The following ZNF431 variants were observed in gnomAD, a reference collection of about 807,000 sequenced individuals.
The protein encoded by ZNF431 is zinc finger protein 431.
In ZNF431, 34 loss-of-function variants were observed where a neutral mutation model predicts 57.0. The observed-to-expected ratio is 0.60, with a 90% CI of 0.45 to 0.79. The LOEUF is 0.79. Among genes scored for constraint, ZNF431 ranks in the 30% least tolerant of loss-of-function variants. The pLI, the probability that ZNF431 is intolerant of heterozygous loss-of-function variation, is 0.00. For missense variants in ZNF431, 607 were observed against 667.1 expected, an observed-to-expected ratio of 0.91 and a Z score of 0.99; for synonymous variants, 207 against 220.3, an observed-to-expected ratio of 0.94 and a Z score of 0.54.
At position 21,192,962 on chromosome 19, in the gene ZNF431, T is replaced by C. The variant is rs1464473612; in HGVS notation, c.*8928T>C. On this transcript the variant is annotated 3_prime_UTR_variant, in exon 5 of 5. Transcript: ENST00000311048. ...CTCTATGCCTGCAAAATAGAAAATT[T>C]GGAGAAAATAAATAAACTCCTGGAA... 6.6e-6 allele frequency: 1 copy of C among 152,142 alleles called. No individual in the cohort carries two copies. Among genetic ancestry groups the C allele is most frequent in the Non-Finnish European group, 1.5e-5 (1 of 68,030 alleles). 9.4% of individuals were successfully genotyped at this position (152,142 alleles called of 1,614,324 possible).
At chr19:21,169,261 T>G (rs1224928482) in intron 4 of ZNF431, among the ~76,000 whole-genome samples, 1 of 152,146 alleles carries the variant, frequency 6.6e-6, no homozygotes, top group Admixed American at 6.5e-5. Flanking sequence ...ATATATAAGA[T>G]CATATGATCC....
chr19:21,184,651 ACTT>A lies in ZNF431; in HGVS notation c.*618_*620del, dbSNP rs916112672. 8 of 152,852 alleles carry A rather than the reference ACTT, an allele frequency of 5.2e-5. No individual in the cohort carries two copies. The highest frequency in any genetic ancestry group is 3.9e-4 in the Admixed American group (6 of 15,276). 9.5% of individuals were successfully genotyped at this position (152,852 alleles called of 1,614,324 possible). On this transcript the variant is annotated 3_prime_UTR_variant, in exon 5 of 5. Transcript: ENST00000311048. ...CTACATGTGTGAACAATATGGCAAA[ACTT>A]AATGCTCACACTTTATTGCTAGGAA...
In ZNF431 at chr19:21,182,782, G is replaced by C. The variant is rs1463986557; in HGVS notation, c.479G>C (p.Gly160Ala). The C allele has an allele frequency of 8.1e-6, 13 of 1,613,652 alleles. No individual in the cohort carries two copies. Among genetic ancestry groups the C allele is most frequent in the Non-Finnish European group, 1.1e-5 (13 of 1,179,836 alleles). The change falls in exon 5 of 5, where the codon GGT becomes GCT. Residue 160 changes from glycine (G) to alanine (A), a missense_variant. Transcript: ENST00000311048. Reference protein sequence around the residue: ...SVDEYKVHKEGYNELNQCLTT... With the variant: ...SVDEYKVHKEAYNELNQCLTT... ...GATGAGTATAAGGTGCACAAAGAAG[G>C]TTATAATGAGCTAAACCAGTGTTTG...
At chr19:21,178,764 A>C (rs1971127297) in intron 4 of ZNF431, among the ~76,000 whole-genome samples, 1 of 150,342 alleles carries the variant, frequency 6.7e-6, no homozygotes, top group Non-Finnish European at 1.5e-5. Context: ...TTTTGCATTG[A>C]TGTTTATCAG....
intron 2 of ZNF431, among the ~76,000 whole-genome samples, chr19:21,164,498 T>C (rs1184380284): frequency 6.6e-6 from 1 of 152,166 alleles, no homozygotes; most frequent in African/African-American, 2.4e-5. Context: ...GACTTTTTGG[T>C]CTTGGTCCTT....
At chr19:21,149,594 A>G (rs1421772125) in intron 2 of ZNF431, 5 of 219,610 alleles carry the variant, frequency 2.3e-5, no homozygotes, top group Non-Finnish European at 4.5e-5. Context: ...TTTTTGAAGG[A>G]AAGTTTGTAT....
Position 21,188,101 on chromosome 19 carries a change from A to G in ZNF431, c.*4067A>G, listed in dbSNP as rs12609797. On this transcript the variant is annotated 3_prime_UTR_variant, in exon 5 of 5. Coordinates refer to ENST00000311048, the MANE Select transcript of ZNF431 (RefSeq NM_133473.4). The stretch of plus-strand genomic sequence containing the variant: ...TGGTGAAACCCTGTGTCTACTAAAA[A>G]TACAAATTTAGCCACGCGTGGTGAC... 15 of 152,312 alleles carry G rather than the reference A, an allele frequency of 9.8e-5. No homozygotes were observed. In the East Asian group the frequency reaches 2.9e-3, roughly 30 times the overall value. The allele number at this position is 152,312 out of a possible 1,614,324, so 9.4% of individuals were successfully genotyped here. A position where few individuals can be genotyped will look rare whatever the true frequency, so the allele number is the denominator to read the frequency against.
At chr19:21,169,779 G>A in intron 4 of ZNF431, 1 of 398,524 alleles carries the variant, frequency 2.5e-6, no homozygotes, top group East Asian at 3.6e-5. Context: ...ATTTCTTCAG[G>A]TCACTGTGTG....
chr19:21,185,113 A>G lies in ZNF431; in HGVS notation c.*1079A>G, dbSNP rs1442682233. 1 of 152,226 alleles carries G rather than the reference A, an allele frequency of 6.6e-6. No homozygotes were observed. The highest frequency in any genetic ancestry group is 1.5e-5 in the Non-Finnish European group (1 of 68,032). The allele number at this position is 152,226 out of a possible 1,614,324, so 9.4% of individuals were successfully genotyped here. ...GCAGTAAAAGTAAAATATTTAATCC[A>G]TAATTAAGTCTATGCAAATATCAGA... On this transcript the variant is annotated 3_prime_UTR_variant, in exon 5 of 5. Coordinates refer to ENST00000311048, the MANE Select transcript of ZNF431 (RefSeq NM_133473.4).
chr19:21,145,651 A>C (rs1236955778), intron 2 of ZNF431, among the ~76,000 whole-genome samples: 1 of 152,162 alleles, frequency 6.6e-6, no homozygotes, highest in Non-Finnish European at 1.5e-5. Context: ...AAGGGGACTG[A>C]GAGGATCTTA....
rs540684622 is a variant in ZNF431, at chr19:21,186,411, A to T, written c.*2377A>T. Reference sequence around the variant, plus strand: ...TTAAATACATGTTAGTCTAAAGACAAATCTTAGGTGTAAGAAAATTATGGA... The same window carrying T: ...TTAAATACATGTTAGTCTAAAGACATATCTTAGGTGTAAGAAAATTATGGA... On this transcript the variant is annotated 3_prime_UTR_variant, in exon 5 of 5. Transcript: ENST00000311048. 10 of 152,362 alleles carry T rather than the reference A, an allele frequency of 6.6e-5. No homozygotes were observed. Among genetic ancestry groups the T allele is most frequent in the African/African-American group, 1.9e-4 (8 of 41,596 alleles). The allele number at this position is 152,362 out of a possible 1,614,324, so 9.4% of individuals were successfully genotyped here. A position where few individuals can be genotyped will look rare whatever the true frequency, so the allele number is the denominator to read the frequency against.
chr19:21,152,658 T>C lies in ZNF431; in HGVS notation c.96+9015T>C, dbSNP rs73539754. ...AGTTCAGTCAAGCATCCTTGTCTTT[T>C]ATTAAGAGGAGCCTTTAACCCACTG... On this transcript the variant is annotated intron_variant, in intron 2 of 4. Transcript: ENST00000311048. 9.4e-3 allele frequency among the ~76,000 whole-genome samples: 1,429 copies of C among 152,302 alleles called. 28 individuals carry two copies. Among genetic ancestry groups the C allele is most frequent in the African/African-American group, 0.033 (1,373 of 41,550 alleles).
At chr19:21,156,610 A>G (rs1970423727) in intron 2 of ZNF431, among the ~76,000 whole-genome samples, 1 of 151,772 alleles carries the variant, frequency 6.6e-6, no homozygotes, top group South Asian at 2.1e-4. Context: ...TATAAATGAT[A>G]GCATGCATTT....
intron 4 of ZNF431, among the ~76,000 whole-genome samples, chr19:21,168,192 C>G (rs944962728): frequency 2.0e-5 from 3 of 151,664 alleles, no homozygotes; most frequent in East Asian, 3.9e-4. Flanking sequence ...CTGCTTTGTT[C>G]TTTTTTCTCA....
At chr19:21,169,686 G>T in intron 4 of ZNF431, 1 of 397,374 alleles carries the variant, frequency 2.5e-6, no homozygotes, top group South Asian at 1.3e-4. Flanking sequence ...GCAGATACCA[G>T]GGCAGATTTC....
intron 2 of ZNF431, chr19:21,162,825 C>A: frequency 1.1e-6 from 1 of 878,866 alleles, no homozygotes; most frequent in Non-Finnish European, 1.4e-6. Flanking sequence ...CCAGTGCTTA[C>A]AGAAATATTC....
chr19:21,153,638 A>T (rs1388604073), intron 2 of ZNF431, among the ~76,000 whole-genome samples: 1 of 152,208 alleles, frequency 6.6e-6, no homozygotes, highest in Non-Finnish European at 1.5e-5. Flanking sequence ...TAAACTAGTA[A>T]ACATAACTAC....
chr19:21,150,376 CT>C, intron 2 of ZNF431: 1 of 368,040 alleles, frequency 2.7e-6, no homozygotes, highest in South Asian at 2.5e-5. Context: ...TGGCCTCCTG[CT>C]TCTTCACAAC....
chr19:21,167,647 G>A lies in ZNF431; in HGVS notation c.300G>A (p.Glu100=), dbSNP rs572616048. The change falls in exon 4 of 5, where the codon GAG becomes GAA. Residue 100 remains glutamate, a synonymous_variant. Coordinates refer to ENST00000311048, the MANE Select transcript of ZNF431 (RefSeq NM_133473.4). The part of the protein sequence containing the change: ...EKEPWNMKRH[E]MVDEPPAMCS... The stretch of plus-strand genomic sequence containing the variant: ...AGCCCTGGAATATGAAGAGACATGA[G>A]ATGGTGGATGAACCCCCAGGTAGGT... 82 of 1,583,648 alleles carry A rather than the reference G, an allele frequency of 5.2e-5. No homozygotes were observed. The South Asian group carries it at 8.9e-4, about 17-fold the overall frequency.
Sources: allele counts gnomAD v4.1 joint callset (sites outside exome capture counted in the v4.1 genomes callset), GRCh38; gene constraint gnomAD v4.1.1; transcripts MANE v1.5; gene names NCBI Gene and HGNC (gene_info 2026-07-23, HGNC 2026-07-21).